Variants in MYEF2 observed in about 807,000 individuals in gnomAD.
The protein encoded by MYEF2 is myelin gene expression factor 2.
A neutral mutation model predicts 75.2 loss-of-function variants in MYEF2; 37 were observed. The ratio of observed to expected loss-of-function variants is 0.49; its 90% CI spans 0.38 to 0.65. MYEF2 has a LOEUF of 0.65. Among genes scored for constraint, MYEF2 ranks in the 30% least tolerant of loss-of-function variants. The pLI, the probability that MYEF2 is intolerant of heterozygous loss-of-function variation, is 0.00. For missense variants in MYEF2, 634 were observed against 771.4 expected (o/e 0.82, Z 2.11); for synonymous variants, 195 against 241.6 (o/e 0.81, Z 1.79).
At position 48,142,858 on chromosome 15, in the gene MYEF2, TAGG is replaced by T. The variant is rs1162990553; in HGVS notation, c.*47_*49del. ...ATTACTTTAAAAAAATGACTTTTAC[TAGG>T]AGATTCAGCAAAACAGATGTAGGAA... On this transcript the variant is annotated 3_prime_UTR_variant, in exon 17 of 17. Coordinates refer to ENST00000324324, the MANE Select transcript of MYEF2 (RefSeq NM_016132.5). 3.3e-6 allele frequency: 5 copies of T among 1,508,960 alleles called. No homozygotes were observed. The Admixed American group carries it at 9.4e-5, about 28-fold the overall frequency. 93.5% of individuals were successfully genotyped at this position (1,508,960 alleles called of 1,614,324 possible).
Position 48,136,390 on chromosome 15 carries a change from T to A in MYEF2, c.*6518A>T. 3.9e-6 allele frequency: 1 copy of A among 258,232 alleles called. No individual in the cohort carries two copies. Among genetic ancestry groups the A allele is most frequent in the Non-Finnish European group, 7.2e-6 (1 of 138,602 alleles). The allele number at this position is 258,232 out of a possible 1,614,324, so 16.0% of individuals were successfully genotyped here. A position where few individuals can be genotyped will look rare whatever the true frequency, so the allele number is the denominator to read the frequency against. ...TATTTTGAAAATCTCCAATTATCATTTTCCTTGCATTTTTATACCTATCAT... is the reference window on the plus strand; with the variant it reads ...TATTTTGAAAATCTCCAATTATCATATTCCTTGCATTTTTATACCTATCAT... On this transcript the variant is annotated 3_prime_UTR_variant, in exon 17 of 17. Transcript: ENST00000324324.
chr15:48,136,474 AC>A lies in MYEF2; in HGVS notation c.*6433del, dbSNP rs1010458839. 26 of 395,450 alleles carry A rather than the reference AC, an allele frequency of 6.6e-5. No individual in the cohort carries two copies. The highest frequency in any genetic ancestry group is 8.7e-5 in the Non-Finnish European group (20 of 228,656). The allele number at this position is 395,450 out of a possible 1,614,324, so 24.5% of individuals were successfully genotyped here. A position where few individuals can be genotyped will look rare whatever the true frequency, so the allele number is the denominator to read the frequency against. ...TGATCTTGTTTTTAAAAAAAAAAAA[AC>A]AACACAGAAGTGTCCAGCTTTTATC... On this transcript the variant is annotated 3_prime_UTR_variant, in exon 17 of 17. Transcript: ENST00000324324.
At chr15:48,167,963 A>T (rs1237132856) in intron 2 of MYEF2, among the ~76,000 whole-genome samples, 1 of 152,152 alleles carries the variant, frequency 6.6e-6, no homozygotes, top group Admixed American at 6.5e-5. Flanking sequence ...ATTTATTAGA[A>T]GAGATCAGCC....
chr15:48,137,163 T>A lies in MYEF2; in HGVS notation c.*5745A>T, dbSNP rs897481696. ...AAATAGCTAAAGTATGAACGTTAAG[T>A]ACCATAAAAAGAGAAAAATAAAGTG... On this transcript the variant is annotated 3_prime_UTR_variant, in exon 17 of 17. Transcript: ENST00000324324. The A allele has an allele frequency of 1.8e-6, 1 of 544,128 alleles. No individual in the cohort carries two copies. The highest frequency in any genetic ancestry group is 3.1e-6 in the Non-Finnish European group (1 of 324,088). 33.7% of individuals were successfully genotyped at this position (544,128 alleles called of 1,614,324 possible).
intron 16 of MYEF2, among the ~76,000 whole-genome samples, chr15:48,147,804 T>A (rs1415957355): frequency 6.6e-6 from 1 of 151,986 alleles, no homozygotes; most frequent in Non-Finnish European, 1.5e-5. Context: ...CATCTCACTT[T>A]GTTCACCTTC....
intron 16 of MYEF2, 49 bp downstream of exon 16, chr15:48,148,983 T>C: frequency 6.3e-7 from 1 of 1,597,398 alleles, no homozygotes; most frequent in Non-Finnish European, 8.6e-7. Context: ...TAAAACCAAT[T>C]TTCCTCCATA....
chr15:48,170,675 T>C (rs767631794), intron 1 of MYEF2, among the ~76,000 whole-genome samples: 10 of 152,140 alleles, frequency 6.6e-5, no homozygotes, highest in Non-Finnish European at 1.5e-4. Context: ...TCCACACACC[T>C]CTAACTGCAG....
chr15:48,175,024 G>A (rs1290603645), intron 1 of MYEF2, among the ~76,000 whole-genome samples: 2 of 152,116 alleles, frequency 1.3e-5, no homozygotes, highest in East Asian at 1.9e-4. Flanking sequence ...CCAAGATATG[G>A]AAACAACGAC....
chr15:48,136,572 T>G lies in MYEF2; in HGVS notation c.*6336A>C, dbSNP rs2038905277. 3 of 978,602 alleles carry G rather than the reference T, an allele frequency of 3.1e-6. No individual in the cohort carries two copies. Among genetic ancestry groups the G allele is most frequent in the Non-Finnish European group, 4.4e-6 (3 of 674,850 alleles). 60.6% of individuals were successfully genotyped at this position (978,602 alleles called of 1,614,324 possible). A position where few individuals can be genotyped will look rare whatever the true frequency, so the allele number is the denominator to read the frequency against. On this transcript the variant is annotated 3_prime_UTR_variant, in exon 17 of 17. Transcript: ENST00000324324. ...CAAAAAATATCTAGAAATGTTTGAT[T>G]GTTCTATGGCTACTTTTGTTAGAAA...
intron 16 of MYEF2, among the ~76,000 whole-genome samples, chr15:48,148,153 A>T (rs2039359766): frequency 6.6e-6 from 1 of 152,044 alleles, no homozygotes; most frequent in African/African-American, 2.4e-5. Flanking sequence ...TGACCTCAGA[A>T]ATTATATATA....
chr15:48,153,935 T>C, intron 9 of MYEF2, 42 bp from the exon 10 acceptor site: 1 of 1,529,428 alleles, frequency 6.5e-7, no homozygotes, highest in Non-Finnish European at 8.9e-7. Flanking sequence ...GATCCATATA[T>C]GATTAACTAA....
chr15:48,147,316 A>G (rs1242716859), intron 16 of MYEF2, among the ~76,000 whole-genome samples: 2 of 152,010 alleles, frequency 1.3e-5, no homozygotes, highest in Non-Finnish European at 2.9e-5. Flanking sequence ...GCAGCCTACA[A>G]AGAATAAAGA....
In MYEF2 at chr15:48,142,517, C is replaced by A; in HGVS notation, c.*391G>T. ...ACATCCTAATTTTTCTGAGCCCTTTCTTTTCATGAAAAATTACATATTATA... is the reference window on the plus strand; with the variant it reads ...ACATCCTAATTTTTCTGAGCCCTTTATTTTCATGAAAAATTACATATTATA... On this transcript the variant is annotated 3_prime_UTR_variant, in exon 17 of 17. Transcript: ENST00000324324. 1.8e-6 allele frequency: 1 copy of A among 541,494 alleles called. No individual in the cohort carries two copies. Among genetic ancestry groups the A allele is most frequent in the East Asian group, 3.1e-5 (1 of 32,006 alleles). The allele number at this position is 541,494 out of a possible 1,614,324, so 33.5% of individuals were successfully genotyped here.
In MYEF2 at chr15:48,141,300, C is replaced by T. The variant is rs758832145; in HGVS notation, c.*1608G>A. 1.1e-5 allele frequency: 12 copies of T among 1,139,090 alleles called. 1 individual carries two copies. Among genetic ancestry groups the T allele is most frequent in the South Asian group, 2.7e-5 (2 of 73,340 alleles). 70.6% of individuals were successfully genotyped at this position (1,139,090 alleles called of 1,614,324 possible). A position where few individuals can be genotyped will look rare whatever the true frequency, so the allele number is the denominator to read the frequency against. Reference sequence around the variant, plus strand: ...AGCTTTAAAAATGTTTACTTCCAGCCGGGTGTGGTGGCTCGCGCCTGTAAT... The same window carrying T: ...AGCTTTAAAAATGTTTACTTCCAGCTGGGTGTGGTGGCTCGCGCCTGTAAT... On this transcript the variant is annotated 3_prime_UTR_variant, in exon 17 of 17. Coordinates refer to ENST00000324324, the MANE Select transcript of MYEF2 (RefSeq NM_016132.5).
intron 16 of MYEF2, among the ~76,000 whole-genome samples, chr15:48,143,429 T>G (rs1597282108): frequency 6.6e-6 from 1 of 152,040 alleles, no homozygotes; most frequent in East Asian, 1.9e-4. Flanking sequence ...TTAAACAAAA[T>G]TATTTTTAGA....
rs1251138380 is a variant in MYEF2 at position 48,142,317 on chromosome 15, T to C, written c.*591A>G. ...TCAGTTCTATATGAACTTGGAATTA[T>C]TGGAAATAATAAAATAAGGGGCTGT... On this transcript the variant is annotated 3_prime_UTR_variant, in exon 17 of 17. Coordinates refer to ENST00000324324, the MANE Select transcript of MYEF2 (RefSeq NM_016132.5). 5.6e-6 allele frequency: 9 copies of C among 1,608,584 alleles called. No homozygotes were observed. The African/African-American group carries it at 1.2e-4, about 22-fold the overall frequency.
chr15:48,174,171 C>CA (rs749023975), intron 1 of MYEF2, among the ~76,000 whole-genome samples: 1 of 152,010 alleles, frequency 6.6e-6, no homozygotes, highest in South Asian at 2.1e-4. Context: ...AACAAACACT[C>CA]AAAAACACAT....
intron 9 of MYEF2, among the ~76,000 whole-genome samples, chr15:48,155,099 T>C (rs1262453322): frequency 3.3e-5 from 5 of 151,942 alleles, no homozygotes; most frequent in African/African-American, 4.8e-5. Flanking sequence ...TGTGAAGAAA[T>C]TGAACTCTTC....
At chr15:48,157,658 G>A in intron 9 of MYEF2, 3 of 709,106 alleles carry the variant, frequency 4.2e-6, no homozygotes, top group South Asian at 5.9e-5. Context: ...TACATAGCAG[G>A]CTAGAAGAAA....
Sources: allele counts gnomAD v4.1 joint callset (sites outside exome capture counted in the v4.1 genomes callset), GRCh38; gene constraint gnomAD v4.1.1; transcripts MANE v1.5; gene names NCBI Gene and HGNC (gene_info 2026-07-23, HGNC 2026-07-21).